Variants in HNRNPC observed in about 807,000 individuals in gnomAD.
The protein encoded by HNRNPC is heterogeneous nuclear ribonucleoprotein C.
Under a neutral mutation model 33.2 loss-of-function variants are expected in HNRNPC, and 3 were observed. The observed-to-expected ratio is 0.09, with a 90% CI of 0.04 to 0.23. The LOEUF (loss-of-function observed/expected upper bound fraction) is 0.23, where lower values mean the gene tolerates loss of function less well. Among genes scored for constraint, HNRNPC ranks in the 10% least tolerant of loss-of-function variants. The pLI is 1.00. For synonymous variants in HNRNPC, 121 were observed against 126.7 expected, an observed-to-expected ratio of 0.96 and a Z score of 0.30; for missense variants, 143 against 366.7, an observed-to-expected ratio of 0.39 and a Z score of 4.98.
At chr14:21,215,042 T>C (rs1892011592) in intron 5 of HNRNPC, among the ~76,000 whole-genome samples, 1 of 152,212 alleles carries the variant, frequency 6.6e-6, no homozygotes, top group Admixed American at 6.5e-5. Flanking sequence ...ACCTACTATT[T>C]CGTCTGACCA....
chr14:21,212,950 T>C lies in HNRNPC; in HGVS notation c.523+10A>G, dbSNP rs1208091001. 1 of 1,613,530 alleles carries C rather than the reference T, an allele frequency of 6.2e-7. No homozygotes were observed. Among genetic ancestry groups the C allele is most frequent in the African/African-American group, 1.3e-5 (1 of 75,024 alleles). On this transcript the variant is annotated intron_variant, in intron 6 of 8. Coordinates refer to ENST00000553300, the MANE Select transcript of HNRNPC (RefSeq NM_004500.4). Reference sequence around the variant, plus strand: ...GAGATACCAAAATCACAAAATGAAATAATACATACACTTTCCAGACTTGGA... The same window carrying C: ...GAGATACCAAAATCACAAAATGAAACAATACATACACTTTCCAGACTTGGA...
intron 2 of HNRNPC, among the ~76,000 whole-genome samples, chr14:21,248,443 A>G (rs1271010309): frequency 1.3e-5 from 2 of 152,180 alleles, no homozygotes; most frequent in Non-Finnish European, 2.9e-5. Flanking sequence ...TAAAATGAGT[A>G]TCATTGATAG....
intron 1 of HNRNPC, among the ~76,000 whole-genome samples, chr14:21,266,774 G>C (rs1879049565): frequency 6.6e-6 from 1 of 151,442 alleles, no homozygotes. Flanking sequence ...ATGTGGTTAA[G>C]AATAGTAATA....
chr14:21,226,474 T>C (rs1893454987), intron 5 of HNRNPC, among the ~76,000 whole-genome samples: 1 of 152,134 alleles, frequency 6.6e-6, no homozygotes, highest in Non-Finnish European at 1.5e-5. Flanking sequence ...AACTACAGCT[T>C]TGAATACTTG....
chr14:21,248,293 T>C (rs536708339), intron 2 of HNRNPC, among the ~76,000 whole-genome samples: 1 of 152,292 alleles, frequency 6.6e-6, no homozygotes, highest in South Asian at 2.1e-4. Context: ...TATCTCCCCA[T>C]CTCAGCCTCC....
intron 5 of HNRNPC, among the ~76,000 whole-genome samples, chr14:21,218,606 T>C (rs1468563487): frequency 3.8e-5 from 5 of 131,580 alleles, no homozygotes; most frequent in African/African-American, 1.5e-4. Flanking sequence ...TGCTTGAACC[T>C]GGGAAGCAGA....
chr14:21,257,381 G>T (rs982079830), intron 2 of HNRNPC, among the ~76,000 whole-genome samples: 1 of 142,598 alleles, frequency 7.0e-6, no homozygotes, highest in Non-Finnish European at 1.5e-5. Context: ...TGGAAGCAAA[G>T]TAAAAAAAAA....
At chr14:21,222,449 G>A (rs1232536351) in intron 5 of HNRNPC, among the ~76,000 whole-genome samples, 3 of 151,634 alleles carry the variant, frequency 2.0e-5, no homozygotes, top group African/African-American at 4.9e-5. Context: ...TACAATGTGT[G>A]TCTTGTGACT....
At chr14:21,244,018 A>G (rs1895659228) in intron 2 of HNRNPC, among the ~76,000 whole-genome samples, 2 of 150,878 alleles carry the variant, frequency 1.3e-5, no homozygotes. Context: ...TTTTATCTGC[A>G]TATTTCCTCC....
At chr14:21,223,926 C>T (rs1047331657) in intron 5 of HNRNPC, among the ~76,000 whole-genome samples, 1 of 152,066 alleles carries the variant, frequency 6.6e-6, no homozygotes, top group Non-Finnish European at 1.5e-5. Flanking sequence ...GCCCAGAGTA[C>T]CCTCTCCACC....
intron 2 of HNRNPC, among the ~76,000 whole-genome samples, chr14:21,239,885 A>C (rs925664087): frequency 6.6e-6 from 1 of 152,172 alleles, no homozygotes; most frequent in Non-Finnish European, 1.5e-5. Flanking sequence ...AGAGAGAAAA[A>C]GGACAAAAAA....
At chr14:21,249,593 CAAAAAAAAAAA>C (rs756880620) in intron 2 of HNRNPC, among the ~76,000 whole-genome samples, 2 of 83,446 alleles carry the variant, frequency 2.4e-5, no homozygotes, top group Non-Finnish European at 4.6e-5. Context: ...GTCTCAAAAA[CAAAAAAAAAAA>C]AAAAAAAAAA....
At chr14:21,232,636 G>T (rs986669339) in intron 3 of HNRNPC, among the ~76,000 whole-genome samples, 1 of 152,140 alleles carries the variant, frequency 6.6e-6, no homozygotes, top group African/African-American at 2.4e-5. Flanking sequence ...CAAAGTGCTG[G>T]AATTACAGGC....
chr14:21,259,195 A>G (rs1283506093), intron 2 of HNRNPC, among the ~76,000 whole-genome samples: 1 of 152,100 alleles, frequency 6.6e-6, no homozygotes, highest in Non-Finnish European at 1.5e-5. Flanking sequence ...GCTTTCACAT[A>G]TGGTTTTCTT....
In HNRNPC at chr14:21,209,687, A is replaced by G. The variant is rs1254026735; in HGVS notation, c.*1536T>C. 3 of 152,200 alleles carry G rather than the reference A, an allele frequency of 2.0e-5. No homozygotes were observed. The highest frequency in any genetic ancestry group is 4.4e-5 in the Non-Finnish European group (3 of 68,030). The allele number at this position is 152,200 out of a possible 1,614,324, so 9.4% of individuals were successfully genotyped here. A position where few individuals can be genotyped will look rare whatever the true frequency, so the allele number is the denominator to read the frequency against. On this transcript the variant is annotated 3_prime_UTR_variant, in exon 9 of 9. Coordinates refer to ENST00000553300, the MANE Select transcript of HNRNPC (RefSeq NM_004500.4). Reference sequence around the variant, plus strand: ...AAATAAGACATGAGTTTTGCCTGTAATGAGTAGGATGAAAAAAGGCCAGTG... The same window carrying G: ...AAATAAGACATGAGTTTTGCCTGTAGTGAGTAGGATGAAAAAAGGCCAGTG...
At chr14:21,245,439 G>A (rs1895870632) in intron 2 of HNRNPC, among the ~76,000 whole-genome samples, 2 of 151,626 alleles carry the variant, frequency 1.3e-5, no homozygotes, top group Non-Finnish European at 1.5e-5. Flanking sequence ...GGAGGTTGCA[G>A]TGGGCTGAGA....
rs1879558739 is a variant in HNRNPC at position 21,269,305 on chromosome 14, G to A, written c.-70C>T. ...TCCGCCCTCTCCACTTACCAAGAAGGGGAGGGAGAAGAGATTCGATTCTGA... is the reference window on the plus strand; with the variant it reads ...TCCGCCCTCTCCACTTACCAAGAAGAGGAGGGAGAAGAGATTCGATTCTGA... On this transcript the variant is annotated 5_prime_UTR_variant, in exon 1 of 9. Coordinates refer to ENST00000553300, the MANE Select transcript of HNRNPC (RefSeq NM_004500.4). 6.5e-6 allele frequency: 1 copy of A among 153,090 alleles called. No homozygotes were observed. The highest frequency in any genetic ancestry group is 2.1e-4 in the South Asian group (1 of 4,844). 9.5% of individuals were successfully genotyped at this position (153,090 alleles called of 1,614,324 possible).
At chr14:21,257,028 A>G (rs1489105886) in intron 2 of HNRNPC, among the ~76,000 whole-genome samples, 1 of 152,210 alleles carries the variant, frequency 6.6e-6, no homozygotes, top group Admixed American at 6.5e-5. Context: ...TTGGCCCAAG[A>G]GACACAAAAA....
At chr14:21,249,212 T>A (rs901508900) in intron 2 of HNRNPC, among the ~76,000 whole-genome samples, 5 of 152,136 alleles carry the variant, frequency 3.3e-5, no homozygotes, top group African/African-American at 9.7e-5. Flanking sequence ...GCAAAGCTCT[T>A]CTGCAAAACC....
Sources: gnomAD v4.1 joint callset for allele counts (sites outside exome capture counted in the v4.1 genomes callset) on GRCh38, gnomAD v4.1.1 for gene constraint, MANE v1.5 for transcripts, NCBI Gene and HGNC (gene_info 2026-07-23, HGNC 2026-07-21) for gene names.